Variants in RASA3 observed in about 807,000 individuals in gnomAD.
The protein encoded by RASA3 is RAS p21 protein activator 3.
In RASA3, 73 loss-of-function variants were observed where a neutral mutation model predicts 110.0. That is an observed-to-expected ratio of 0.66 (90% CI 0.55 to 0.81). The LOEUF is 0.81. Among genes scored for constraint, RASA3 ranks in the 30% least tolerant of loss-of-function variants. The pLI, the probability that RASA3 is intolerant of heterozygous loss-of-function variation, is 0.00. For missense variants in RASA3, 976 were observed against 1,113.2 expected (o/e 0.88, Z 1.75); for synonymous variants, 500 against 451.4 (o/e 1.11, Z -1.37).
intron 1 of RASA3, among the ~76,000 whole-genome samples, chr13:114,082,045 T>C (rs959213731): frequency 3.9e-5 from 6 of 152,194 alleles, no homozygotes; most frequent in Non-Finnish European, 7.3e-5. Flanking sequence ...TAGGACGGGC[T>C]CCAGGCAGTA....
chr13:114,087,188 T>C (rs113639623), intron 1 of RASA3, among the ~76,000 whole-genome samples: 3 of 103,218 alleles, frequency 2.9e-5, no homozygotes, highest in East Asian at 2.7e-4. Flanking sequence ...AAGTGCTGAG[T>C]CTGGAGTATC....
rs2079269730 is a variant in RASA3, at chr13:114,057,826, G to A, written c.174-5671C>T. Among the ~76,000 whole-genome samples the A allele has an allele frequency of 6.6e-6, 1 of 152,214 alleles. No individual in the cohort carries two copies. Among genetic ancestry groups the A allele is most frequent in the Non-Finnish European group, 1.5e-5 (1 of 68,042 alleles). ...CCTCTGGCCAGGGCGCTCAGCACGA[G>A]GGGACCCAGAACAATGGCTTCCCTG... On this transcript the variant is annotated intron_variant, in intron 2 of 23. Coordinates refer to ENST00000334062, the MANE Select transcript of RASA3 (RefSeq NM_007368.4). The surrounding 1 kb of genome is among the most constrained non-coding windows in gnomAD (Gnocchi z 5.0).
chr13:114,041,773 T>C (rs1172701122), intron 3 of RASA3, among the ~76,000 whole-genome samples: 2 of 152,252 alleles, frequency 1.3e-5, no homozygotes, highest in Non-Finnish European at 2.9e-5. Flanking sequence ...AGCTGCCACC[T>C]TCCCACGCGA....
intron 18 of RASA3, among the ~76,000 whole-genome samples, chr13:114,001,688 G>A (rs895096982): frequency 3.0e-4 from 44 of 146,806 alleles, no homozygotes; most frequent in Middle Eastern, 3.8e-3. Flanking sequence ...GGCAGGCAGC[G>A]GACGCTCACA....
intron 3 of RASA3, among the ~76,000 whole-genome samples, chr13:114,044,616 C>A (rs146515724): frequency 1.4e-5 from 2 of 142,350 alleles, no homozygotes; most frequent in East Asian, 4.2e-4. Flanking sequence ...TCTCCTCTGA[C>A]GACCGCTGCG....
intron 1 of RASA3, among the ~76,000 whole-genome samples, chr13:114,104,700 G>A (rs1012473623): frequency 5.3e-5 from 8 of 152,276 alleles, no homozygotes; most frequent in Non-Finnish European, 8.8e-5. Context: ...ATAGCAAATC[G>A]AAACTTTGGT....
chr13:114,003,078 C>T (rs914198979), intron 18 of RASA3, among the ~76,000 whole-genome samples: 2 of 152,222 alleles, frequency 1.3e-5, no homozygotes, highest in Admixed American at 6.5e-5. Context: ...CACTTGGCAC[C>T]AAGGGCTGAG....
chr13:114,088,356 G>C (rs1293277033), intron 1 of RASA3, among the ~76,000 whole-genome samples: 1 of 152,144 alleles, frequency 6.6e-6, no homozygotes, highest in South Asian at 2.1e-4. Flanking sequence ...ACATAAGGAA[G>C]GTTCTCAGTC....
In RASA3 at chr13:114,057,355, G is replaced by A. The variant is rs980308166; in HGVS notation, c.174-5200C>T. On this transcript the variant is annotated intron_variant, in intron 2 of 23. Transcript: ENST00000334062. The surrounding 1 kb of genome is among the most constrained non-coding windows in gnomAD (Gnocchi z 5.0). The stretch of plus-strand genomic sequence containing the variant: ...CACTGTGACCAAGCTTCATTCCCAC[G>A]AGCTGGACGAGCAGAAGGCATTGCA... 3 of 985,230 alleles carry A rather than the reference G, an allele frequency of 3.0e-6. No homozygotes were observed. Among genetic ancestry groups the A allele is most frequent in the East Asian group, 1.1e-4 (1 of 8,824 alleles). The allele number at this position is 985,230 out of a possible 1,614,324, so 61.0% of individuals were successfully genotyped here.
At chr13:114,027,807 C>A (rs148148759) in intron 6 of RASA3, 40 bp downstream of exon 6, 3 of 1,591,312 alleles carry the variant, frequency 1.9e-6, no homozygotes, top group Non-Finnish European at 2.6e-6. Context: ...CCCTAGCCCC[C>A]CAGGACCAGA....
intron 9 of RASA3, among the ~76,000 whole-genome samples, chr13:114,020,324 G>A (rs192738428): frequency 1.3e-5 from 2 of 152,326 alleles, no homozygotes; most frequent in African/African-American, 4.8e-5. Context: ...ATCGCCCCAG[G>A]TAGGTAGAGC....
chr13:113,991,985 CCACA>C (rs1224504251), intron 22 of RASA3, among the ~76,000 whole-genome samples: 1 of 152,036 alleles, frequency 6.6e-6, no homozygotes, highest in African/African-American at 2.4e-5. Flanking sequence ...TCACACGTGT[CCACA>C]CATTCACACA....
chr13:114,026,069 C>T (rs190363326), intron 7 of RASA3, among the ~76,000 whole-genome samples: 24 of 152,364 alleles, frequency 1.6e-4, no homozygotes, highest in Non-Finnish European at 2.9e-4. Flanking sequence ...CCATGGTTTT[C>T]AGACTGTCTG....
rs1247346520 is a variant in RASA3 at position 113,979,185 on chromosome 13, CAG to C, written c.*160_*161del. 5 of 658,418 alleles carry C rather than the reference CAG, an allele frequency of 7.6e-6. No individual in the cohort carries two copies. The highest frequency in any genetic ancestry group is 5.4e-5 in the African/African-American group (3 of 55,550). The allele number at this position is 658,418 out of a possible 1,614,324, so 40.8% of individuals were successfully genotyped here. A position where few individuals can be genotyped will look rare whatever the true frequency, so the allele number is the denominator to read the frequency against. ...TCTGCGGAGGGCGTGGCGGTGGTGG[CAG>C]CGGTTCTGGGAGAGGGAAACCCCAG... On this transcript the variant is annotated 3_prime_UTR_variant, in exon 24 of 24. Coordinates refer to ENST00000334062, the MANE Select transcript of RASA3 (RefSeq NM_007368.4).
intron 1 of RASA3, among the ~76,000 whole-genome samples, chr13:114,074,460 AT>A (rs1480278161): frequency 3.9e-5 from 6 of 152,076 alleles, no homozygotes; most frequent in Admixed American, 1.3e-4. Flanking sequence ...ATTCCCTTCT[AT>A]TTTAAGGTTG....
At position 114,104,163 on chromosome 13, in the gene RASA3, C is replaced by T. The variant is rs1379491765; in HGVS notation, c.55+28272G>A. ...CGGCCACGGACACCCACCCCTGATG[C>T]GTCCACACTGCCCTGGCCACAGACA... On this transcript the variant is annotated intron_variant, in intron 1 of 23. Coordinates refer to ENST00000334062, the MANE Select transcript of RASA3 (RefSeq NM_007368.4). Among the ~76,000 whole-genome samples, 6 of 35,820 alleles carry T rather than the reference C, an allele frequency of 1.7e-4. 2 individuals are homozygous for T. The highest frequency in any genetic ancestry group is 7.3e-4 in the African/African-American group (6 of 8,270). The allele number at this position is 35,820 out of a possible 152,430, so 23.5% of individuals were successfully genotyped here.
At chr13:113,996,790 G>T in intron 20 of RASA3, 51 bp from the exon 21 acceptor site, 1 of 1,521,920 alleles carries the variant, frequency 6.6e-7, no homozygotes, top group Non-Finnish European at 9.1e-7. Flanking sequence ...TCGTGGCTGA[G>T]CACGTGCAAG....
chr13:114,024,992 C>A (rs2054001375), intron 7 of RASA3, among the ~76,000 whole-genome samples: 1 of 152,240 alleles, frequency 6.6e-6, no homozygotes, highest in Middle Eastern at 3.2e-3. Flanking sequence ...GCCCTTGCAG[C>A]AGAGCAGGAG....
chr13:114,007,945 C>A (rs1161921471), intron 17 of RASA3, among the ~76,000 whole-genome samples: 1 of 121,820 alleles, frequency 8.2e-6, no homozygotes, highest in Non-Finnish European at 1.8e-5. Context: ...TGGGGAGGAG[C>A]AGAGCCCTGG....
Sources: gnomAD v4.1 joint callset for allele counts (sites outside exome capture counted in the v4.1 genomes callset) on GRCh38, gnomAD v4.1.1 for gene constraint, Gnocchi (gnomAD v3.1) non-coding constraint, MANE v1.5 for transcripts, NCBI Gene and HGNC (gene_info 2026-07-23, HGNC 2026-07-21) for gene names.